Variants in N4BP2L2 observed in about 807,000 individuals in gnomAD.
N4BP2L2 encodes the protein NEDD4-binding protein 2-like 2.
In N4BP2L2, 50 loss-of-function variants were observed where a neutral mutation model predicts 56.2. That is an observed-to-expected ratio of 0.89 (90% CI 0.71 to 1.13). The LOEUF is 1.13. Ranked by LOEUF, N4BP2L2 falls within the 50% of genes most tolerant of loss-of-function variation. N4BP2L2 has a pLI of 0.00. For missense variants in N4BP2L2, 689 were observed against 693.8 expected (o/e 0.99, Z 0.08); for synonymous variants, 203 against 223.6 (o/e 0.91, Z 0.82).
At chr13:32,455,558 C>T (rs191311808) in intron 6 of N4BP2L2, among the ~76,000 whole-genome samples, 22 of 152,310 alleles carry the variant, frequency 1.4e-4, no homozygotes, top group African/African-American at 5.3e-4. Context: ...GGACAGGTCC[C>T]TCAGCTGTCC....
chr13:32,521,592 A>T, intron 4 of N4BP2L2, 143 bp from the exon 5 acceptor site: 1 of 583,854 alleles, frequency 1.7e-6, no homozygotes, highest in Non-Finnish European at 3.0e-6. Flanking sequence ...AATATGGTTT[A>T]TAACAGTTAA....
At chr13:32,462,882 A>T (rs866853984) in intron 6 of N4BP2L2, among the ~76,000 whole-genome samples, 1,443 of 140,898 alleles carry the variant, frequency 0.01, 36 homozygotes, top group African/African-American at 0.037. Context: ...AAAAAAAAAA[A>T]AAAAAAAAAA....
intron 3 of N4BP2L2, chr13:32,525,398 T>C (rs1050112668): frequency 6.6e-6 from 1 of 152,230 alleles, no homozygotes; most frequent in Non-Finnish European, 1.5e-5. Context: ...TTAAACATTC[T>C]TGTGAAACTA....
intron 6 of N4BP2L2, among the ~76,000 whole-genome samples, chr13:32,495,194 C>T (rs2088253556): frequency 1.3e-5 from 2 of 152,200 alleles, no homozygotes; most frequent in Admixed American, 1.3e-4. Flanking sequence ...GGCTAACATT[C>T]AGCCAGTATA....
At chr13:32,477,287 C>T (rs2083555897) in intron 6 of N4BP2L2, 1 of 231,354 alleles carries the variant, frequency 4.3e-6, no homozygotes, top group African/African-American at 2.3e-5. Flanking sequence ...CCCTTAAGAA[C>T]CATTTGCTGC....
intron 3 of N4BP2L2, chr13:32,526,818 G>GTTTTTTTGTTTT (rs2053005209): frequency 4.1e-5 from 1 of 24,232 alleles, no homozygotes. Flanking sequence ...CTTTTTGTCT[G>GTTTTTTTGTTTT]TTTTTTTTTT....
chr13:32,491,852 G>A (rs1402231712), intron 6 of N4BP2L2, among the ~76,000 whole-genome samples: 1 of 151,746 alleles, frequency 6.6e-6, no homozygotes, highest in Non-Finnish European at 1.5e-5. Flanking sequence ...GGATGGTCTC[G>A]ATCTCCTGAC....
At chr13:32,462,869 A>AAC in intron 6 of N4BP2L2, among the ~76,000 whole-genome samples, 1 of 128,462 alleles carries the variant, frequency 7.8e-6, no homozygotes, top group Admixed American at 7.3e-5. Context: ...ACTAAAAAAA[A>AAC]AAAAAAAAAA....
At chr13:32,461,183 A>G (rs892934229) in intron 6 of N4BP2L2, among the ~76,000 whole-genome samples, 3 of 152,140 alleles carry the variant, frequency 2.0e-5, no homozygotes, top group Admixed American at 6.5e-5. Flanking sequence ...AGAAGAAAAC[A>G]CCACAGGATA....
intron 6 of N4BP2L2, among the ~76,000 whole-genome samples, chr13:32,459,166 A>G (rs1401495432): frequency 6.6e-6 from 1 of 152,180 alleles, no homozygotes; most frequent in Non-Finnish European, 1.5e-5. Context: ...TTATAGCAAT[A>G]AATGCCTACA....
intron 6 of N4BP2L2, among the ~76,000 whole-genome samples, chr13:32,455,430 C>A (rs1183008901): frequency 6.6e-6 from 1 of 152,228 alleles, no homozygotes; most frequent in Non-Finnish European, 1.5e-5. Context: ...GCCCTGAGAT[C>A]AGACTCTGCC....
At chr13:32,480,109 G>T (rs561918362) in intron 6 of N4BP2L2, among the ~76,000 whole-genome samples, 8 of 152,078 alleles carry the variant, frequency 5.3e-5, no homozygotes, top group Non-Finnish European at 1.0e-4. Flanking sequence ...TCAAAGGGAA[G>T]GCCTTAAAAT....
At chr13:32,486,262 T>A (rs1033057575) in intron 6 of N4BP2L2, among the ~76,000 whole-genome samples, 1 of 152,060 alleles carries the variant, frequency 6.6e-6, no homozygotes, top group Non-Finnish European at 1.5e-5. Context: ...CACAGGCGAT[T>A]AGGCAAGAAA....
chr13:32,492,010 G>C (rs1229306843), intron 6 of N4BP2L2, among the ~76,000 whole-genome samples: 1 of 152,092 alleles, frequency 6.6e-6, no homozygotes, highest in Non-Finnish European at 1.5e-5. Context: ...ATAGAAAAAA[G>C]ATTTCCTTTG....
At chr13:32,534,818 T>C (rs547784471) in intron 2 of N4BP2L2, among the ~76,000 whole-genome samples, 2 of 152,336 alleles carry the variant, frequency 1.3e-5, no homozygotes, top group South Asian at 4.1e-4. Flanking sequence ...TTTCTCCTTG[T>C]CCGGCACAAA....
intron 6 of N4BP2L2, among the ~76,000 whole-genome samples, chr13:32,454,830 T>G (rs1229501062): frequency 2.6e-5 from 4 of 152,036 alleles, no homozygotes; most frequent in Non-Finnish European, 4.4e-5. Flanking sequence ...ACACTGGAAT[T>G]CAACAGAGAA....
chr13:32,468,299 A>G (rs2081612501), intron 6 of N4BP2L2, among the ~76,000 whole-genome samples: 1 of 151,958 alleles, frequency 6.6e-6, no homozygotes, highest in South Asian at 2.1e-4. Context: ...AAATAAGGGT[A>G]GGATATGAAA....
chr13:32,506,294 T>A (rs2139666990), downstream of N4BP2L2: 1 of 152,312 alleles, frequency 6.6e-6, no homozygotes, highest in South Asian at 2.1e-4. Context: ...TTTATCTTCA[T>A]TACCTTTTTA....
chr13:32,492,368 C>T (rs368819327), intron 6 of N4BP2L2, among the ~76,000 whole-genome samples: 27 of 145,426 alleles, frequency 1.9e-4, no homozygotes, highest in African/African-American at 6.9e-4. Flanking sequence ...CTGCAAGACC[C>T]GCCTCCCGGA....
Sources: allele counts gnomAD v4.1 joint callset (sites outside exome capture counted in the v4.1 genomes callset), GRCh38; gene constraint gnomAD v4.1.1; transcripts MANE v1.5; gene names NCBI Gene and HGNC (gene_info 2026-07-23, HGNC 2026-07-21).